Variants in PCDH15 observed in about 807,000 individuals in gnomAD.
The protein encoded by PCDH15 is protocadherin related 15, also known as protocadherin-15.
Under a neutral mutation model 178.5 loss-of-function variants are expected in PCDH15, and 129 were observed. The observed-to-expected ratio is 0.72, with a 90% CI of 0.63 to 0.84. PCDH15 has a LOEUF of 0.84. Ranked by LOEUF, PCDH15 falls within the 40% of genes least tolerant of loss-of-function variation. PCDH15 has a pLI of 0.00. For synonymous variants in PCDH15, 800 were observed against 732.0 expected (o/e 1.09, Z -1.50); for missense variants, 2,230 against 2,099.9 (o/e 1.06, Z -1.21).
intron 2 of PCDH15, chr10:55,597,136 G>C (rs1442769573): frequency 2.0e-5 from 3 of 152,060 alleles, no homozygotes; most frequent in Non-Finnish European, 4.4e-5. Context: ...TGATCCCTGC[G>C]GAATCGATTG....
intron 3 of PCDH15, among the ~76,000 whole-genome samples, chr10:54,440,526 C>T (rs367784245): frequency 5.3e-5 from 8 of 151,826 alleles, no homozygotes; most frequent in South Asian, 2.1e-4. Flanking sequence ...TTTTTTAATG[C>T]GGTATCAAAT....
intron 3 of PCDH15, among the ~76,000 whole-genome samples, chr10:54,390,471 G>GT (rs1370696098): frequency 6.6e-6 from 1 of 151,926 alleles, no homozygotes; most frequent in East Asian, 1.9e-4. Flanking sequence ...TTTTTTGTAT[G>GT]TTTTTAGTAG....
chr10:54,938,981 C>G (rs1370511153), intron 2 of PCDH15, among the ~76,000 whole-genome samples: 1 of 152,032 alleles, frequency 6.6e-6, no homozygotes, highest in Non-Finnish European at 1.5e-5. Flanking sequence ...TGAAAGTAAG[C>G]CCTGGTAATA....
At chr10:53,973,849 T>C (rs1183157058) in intron 21 of PCDH15, among the ~76,000 whole-genome samples, 1 of 152,176 alleles carries the variant, frequency 6.6e-6, no homozygotes, top group African/African-American at 2.4e-5. Flanking sequence ...TTCTAATTGG[T>C]AAAGTAACAT....
chr10:54,300,107 G>A (rs1271085122), intron 8 of PCDH15, among the ~76,000 whole-genome samples: 1 of 152,162 alleles, frequency 6.6e-6, no homozygotes. Flanking sequence ...CTGAGGCCTA[G>A]ACCTCCTCAC....
intron 20 of PCDH15, among the ~76,000 whole-genome samples, chr10:54,000,495 T>G (rs1315408650): frequency 6.6e-6 from 1 of 151,976 alleles, no homozygotes; most frequent in East Asian, 1.9e-4. Context: ...TGAAATAATT[T>G]TAAAAATCAA....
chr10:54,518,448 C>A (rs2082463913), intron 3 of PCDH15, among the ~76,000 whole-genome samples: 1 of 152,130 alleles, frequency 6.6e-6, no homozygotes, highest in Non-Finnish European at 1.5e-5. Flanking sequence ...CGCAAATAAA[C>A]TGGAAAATCT....
At chr10:55,084,062 A>T (rs1010708334) in intron 2 of PCDH15, among the ~76,000 whole-genome samples, 1 of 151,106 alleles carries the variant, frequency 6.6e-6, no homozygotes, top group Non-Finnish European at 1.5e-5. Context: ...TCACAAAAAT[A>T]TAAAAAAAAT....
At chr10:54,073,954 G>T (rs1372691069) in intron 17 of PCDH15, among the ~76,000 whole-genome samples, 1 of 152,142 alleles carries the variant, frequency 6.6e-6, no homozygotes, top group African/African-American at 2.4e-5. Context: ...AAGGAAATCT[G>T]CTAGATGGGG....
At chr10:55,442,174 G>A (rs1444392515) in intron 2 of PCDH15, among the ~76,000 whole-genome samples, 2 of 151,786 alleles carry the variant, frequency 1.3e-5, no homozygotes, top group African/African-American at 4.8e-5. Context: ...GCGAAAAGTG[G>A]AAAGAAAAGA....
At chr10:54,827,146 G>C (rs1953145477) in intron 3 of PCDH15, among the ~76,000 whole-genome samples, 1 of 152,070 alleles carries the variant, frequency 6.6e-6, no homozygotes, top group Admixed American at 6.6e-5. Context: ...GTTCACCTCT[G>C]GATGACAGTG....
Position 55,034,076 on chromosome 10 carries a change from G to GAA in PCDH15, c.-80+132498_-80+132499dup, listed in dbSNP as rs34250260. Reference sequence around the variant, plus strand: ...GACTTCCCAACCTTTAGAACTCTGAGAAAAAAAAAAAAAATCTTTGTTTTG... The same window carrying GAA: ...GACTTCCCAACCTTTAGAACTCTGAGAAAAAAAAAAAAAAAATCTTTGTTTTG... On this transcript the variant is annotated intron_variant, in intron 2 of 5. Coordinates refer to the PCDH15 transcript ENST00000458638. Among the ~76,000 whole-genome samples, 53 of 145,050 alleles carry GAA rather than the reference G, an allele frequency of 3.7e-4. 1 individual carries two copies. Among genetic ancestry groups the GAA allele is most frequent in the African/African-American group, 8.3e-4 (32 of 38,698 alleles).
chr10:54,639,976 T>C (rs2093953851), intron 2 of PCDH15, among the ~76,000 whole-genome samples: 1 of 152,176 alleles, frequency 6.6e-6, no homozygotes, highest in Non-Finnish European at 1.5e-5. Flanking sequence ...GTCCAGCTGA[T>C]CTGGAGGCTG....
At chr10:53,921,242 T>C (rs7910658) in intron 25 of PCDH15, among the ~76,000 whole-genome samples, 106,098 of 151,970 alleles carry the variant, frequency 0.7, 37,592 homozygotes, top group East Asian at 1. Flanking sequence ...ACTTACATTT[T>C]TGAGCACTAG....
At chr10:55,172,624 G>T (rs1181605361) in intron 1 of PCDH15, among the ~76,000 whole-genome samples, 4 of 151,776 alleles carry the variant, frequency 2.6e-5, no homozygotes, top group African/African-American at 9.7e-5. Context: ...ATTATTTTTG[G>T]CATACTTCAA....
chr10:53,918,041 G>C (rs527405924), intron 25 of PCDH15, among the ~76,000 whole-genome samples: 8 of 152,084 alleles, frequency 5.3e-5, no homozygotes, highest in Admixed American at 3.9e-4. Flanking sequence ...ACAGCCTGTA[G>C]AACCATGAAC....
Position 54,236,815 on chromosome 10 carries a change from A to C in PCDH15, c.985+8T>G, listed in dbSNP as rs1407584234. On this transcript the variant is annotated splice_region_variant and intron_variant, in intron 9 of 37. Coordinates refer to ENST00000644397, the MANE Select transcript of PCDH15 (RefSeq NM_001384140.1). ...AACTGATAGTGTAAAATGTTATCAG[A>C]TACAAACCAACAAGGATGGAATAGA... 3.8e-6 allele frequency: 6 copies of C among 1,598,242 alleles called. No individual in the cohort carries two copies. Among genetic ancestry groups the C allele is most frequent in the Admixed American group, 1.7e-5 (1 of 59,996 alleles).
intron 9 of PCDH15, among the ~76,000 whole-genome samples, chr10:54,222,169 T>C (rs1368385934): frequency 1.1e-4 from 16 of 152,190 alleles, no homozygotes; most frequent in Admixed American, 9.8e-4. Flanking sequence ...AGCAAATATC[T>C]AGGAGTGGAA....
At chr10:54,749,151 C>CA (rs1945862188) in intron 1 of PCDH15, among the ~76,000 whole-genome samples, 3 of 151,906 alleles carry the variant, frequency 2.0e-5, no homozygotes, top group Admixed American at 2.0e-4. Flanking sequence ...TTATAATTCC[C>CA]AGGCCAAAGT....
Sources: gnomAD v4.1 joint callset for allele counts (sites outside exome capture counted in the v4.1 genomes callset) on GRCh38, gnomAD v4.1.1 for gene constraint, MANE v1.5 for transcripts, NCBI Gene and HGNC (gene_info 2026-07-23, HGNC 2026-07-21) for gene names.